PTPRJ: variants seen among roughly 807,000 people sequenced by gnomAD.
PTPRJ encodes the protein receptor-type tyrosine-protein phosphatase eta.
PTPRJ carries 129 observed loss-of-function variants against 141.3 expected under a neutral mutation model. The ratio of observed to expected loss-of-function variants is 0.91; its 90% CI spans 0.79 to 1.06. The LOEUF (loss-of-function observed/expected upper bound fraction) is 1.06. PTPRJ is among the 50% of genes least tolerant of loss of function. The pLI is 0.00. For missense variants in PTPRJ, 1,601 were observed against 1,679.7 expected, an observed-to-expected ratio of 0.95 and a Z score of 0.82; for synonymous variants, 610 against 640.5, an observed-to-expected ratio of 0.95 and a Z score of 0.72.
chr11:47,999,517 T>G (rs1486454282), intron 1 of PTPRJ, among the ~76,000 whole-genome samples: 1 of 152,202 alleles, frequency 6.6e-6, no homozygotes, highest in Non-Finnish European at 1.5e-5. Context: ...GAAGCCCCTT[T>G]AAGTGGGCTC....
chr11:48,127,251 C>T (rs970253216), intron 6 of PTPRJ, among the ~76,000 whole-genome samples: 1 of 152,216 alleles, frequency 6.6e-6, no homozygotes, highest in African/African-American at 2.4e-5. Flanking sequence ...TGGTGAATAA[C>T]TGGCACTCGG....
At chr11:48,106,763 C>CTTTTTTTTTTTTTTTTTTTTTTT (rs35643138) in intron 1 of PTPRJ, among the ~76,000 whole-genome samples, 1 of 86,452 alleles carries the variant, frequency 1.2e-5, no homozygotes, top group Non-Finnish European at 2.3e-5. Context: ...TTCTTTCTTT[C>CTTTTTTTTTTTTTTTTTTTTTTT]TTTTTTTTTT....
rs752215798 is a variant in PTPRJ at position 48,144,678 on chromosome 11, G to A, written c.2579G>A (p.Gly860Asp). The A allele has an allele frequency of 5.6e-6, 9 of 1,612,952 alleles. No homozygotes were observed. In the African/African-American group the frequency reaches 1.2e-4, roughly 22 times the overall value. ...YAVILTTGEA[G>D]HPSADVLKYT... is the part of the protein sequence containing the mutation. The stretch of plus-strand genomic sequence containing the variant: ...TCCTTCTGTGTACCTTTCTTAGCTG[G>A]TCACCCTTCTGCAGATGTCCTGAAA... Residue 860 changes from glycine to aspartate, a missense_variant, in exon 13 of 25, where the codon GGT (glycine) becomes GAT (aspartate). Gly to Asp is a moderately conservative substitution (Grantham distance 94). Coordinates refer to ENST00000418331, the MANE Select transcript of PTPRJ (RefSeq NM_002843.4).
chr11:48,091,763 C>T (rs889887783), intron 1 of PTPRJ, among the ~76,000 whole-genome samples: 1 of 152,202 alleles, frequency 6.6e-6, no homozygotes, highest in Non-Finnish European at 1.5e-5. Flanking sequence ...GGAAATACCT[C>T]CCAAGAGGCC....
At position 48,014,005 on chromosome 11, in the gene PTPRJ, C is replaced by G. The variant is rs563404324; in HGVS notation, c.96+32997C>G. Among the ~76,000 whole-genome samples, 9 of 152,188 alleles carry G rather than the reference C, an allele frequency of 5.9e-5. No individual in the cohort carries two copies. The South Asian group carries it at 1.9e-3, about 32-fold the overall frequency. The stretch of plus-strand genomic sequence containing the variant: ...AGAGTGTCCATCTGTTTGGGTGAAG[C>G]CAGCTGTTTAGGTCTGAAGGATCTG... On this transcript the variant is annotated intron_variant, in intron 1 of 24. Coordinates refer to ENST00000418331, the MANE Select transcript of PTPRJ (RefSeq NM_002843.4).
At position 48,168,577 on chromosome 11, in the gene PTPRJ, T is replaced by TATATATATATAC. The variant is rs1555061333; in HGVS notation, c.*1220_*1221insTATATACATATA. 1.7e-5 allele frequency: 2 copies of TATATATATATAC among 120,296 alleles called. No homozygotes were observed. The highest frequency in any genetic ancestry group is 6.3e-5 in the African/African-American group (2 of 31,820). The allele number at this position is 120,296 out of a possible 1,614,324, so 7.5% of individuals were successfully genotyped here. ...ATATATATATATATATATATATATATATATACACTAAGCTCTCAAAAACAG... is the reference window on the plus strand; with the variant it reads ...ATATATATATATATATATATATATATATATATATATACATATACACTAAGCTCTCAAAAACAG... On this transcript the variant is annotated 3_prime_UTR_variant, in exon 25 of 25. Transcript: ENST00000418331.
intron 8 of PTPRJ, chr11:48,131,701 C>T (rs1357089842): frequency 2.7e-5 from 14 of 519,234 alleles, no homozygotes; most frequent in Admixed American, 1.1e-4. Flanking sequence ...CAGCAGAGAA[C>T]GTGTGGCTTG....
chr11:48,088,212 GATTGACAACAATAAC>G (rs1485538971), intron 1 of PTPRJ, among the ~76,000 whole-genome samples: 1 of 152,200 alleles, frequency 6.6e-6, no homozygotes, highest in African/African-American at 2.4e-5. Flanking sequence ...GACCCAAGAT[GATTGACAACAATAAC>G]ATTCCTTTAC....
chr11:48,068,492 G>A (rs754294177), intron 1 of PTPRJ, among the ~76,000 whole-genome samples: 32 of 152,112 alleles, frequency 2.1e-4, no homozygotes, highest in Non-Finnish European at 3.8e-4. Context: ...GTGACTTTGC[G>A]CCTCCTTCCC....
In PTPRJ at chr11:48,065,004, CTTTTTTTTTTTTTT is replaced by C. The variant is rs61139660; in HGVS notation, c.97-45040_97-45027del. On this transcript the variant is annotated intron_variant, in intron 1 of 24. Coordinates refer to ENST00000418331, the MANE Select transcript of PTPRJ (RefSeq NM_002843.4). ...GCTGAGACCTGTTTTCCTCAACTAC[CTTTTTTTTTTTTTT>C]TTTTTTTTTTTTTGAGACAGAGCTT... 3.5e-3 allele frequency among the ~76,000 whole-genome samples: 410 copies of C among 117,192 alleles called. 3 individuals are homozygous for C. Among genetic ancestry groups the C allele is most frequent in the African/African-American group, 0.015 (385 of 26,128 alleles). 76.9% of individuals were successfully genotyped at this position (117,192 alleles called of 152,430 possible).
In PTPRJ at chr11:48,164,372, T is replaced by C. The variant is rs751521291; in HGVS notation, c.3720-8T>C. On this transcript the variant is annotated splice_polypyrimidine_tract_variant and splice_region_variant and intron_variant, in intron 23 of 24. Transcript: ENST00000418331. ...CACTGTAATAGGCTTATTTCTCTTTTCTCTCAGTGCTGGGGTCGGAAGGAC... is the reference window on the plus strand; with the variant it reads ...CACTGTAATAGGCTTATTTCTCTTTCCTCTCAGTGCTGGGGTCGGAAGGAC... The C allele has an allele frequency of 1.2e-6, 2 of 1,613,020 alleles. No individual in the cohort carries two copies. Among genetic ancestry groups the C allele is most frequent in the East Asian group, 4.5e-5 (2 of 44,866 alleles).
Position 48,112,832 on chromosome 11 carries a change from C to T in PTPRJ, c.201C>T (p.Ser67=), listed in dbSNP as rs999745092. 7 of 1,614,052 alleles carry T rather than the reference C, an allele frequency of 4.3e-6. No individual in the cohort carries two copies. The highest frequency in any genetic ancestry group is 2.7e-5 in the African/African-American group (2 of 74,920). ...CGCAGATCAGCAGTACAGCAGAATC[C>T]TTTCATAAACAGAATGGAACTGGAA... The part of the protein sequence containing the change: ...GITQISSTAE[S]FHKQNGTGTP... Residue 67 remains serine, a synonymous_variant, in exon 3 of 25, where the codon TCC becomes TCT. Coordinates refer to ENST00000418331, the MANE Select transcript of PTPRJ (RefSeq NM_002843.4).
At chr11:47,984,434 C>T (rs574484741) in intron 1 of PTPRJ, among the ~76,000 whole-genome samples, 1 of 152,242 alleles carries the variant, frequency 6.6e-6, no homozygotes, top group East Asian at 1.9e-4. Context: ...AATATAATGC[C>T]ACTGATGATA....
At chr11:48,099,711 C>A (rs140118676) in intron 1 of PTPRJ, among the ~76,000 whole-genome samples, 1 of 152,262 alleles carries the variant, frequency 6.6e-6, no homozygotes, top group East Asian at 1.9e-4. Context: ...GCATTTCTGG[C>A]TTGAGAGTAC....
chr11:48,082,578 T>A (rs1461073989), intron 1 of PTPRJ, among the ~76,000 whole-genome samples: 1 of 150,386 alleles, frequency 6.6e-6, no homozygotes, highest in Non-Finnish European at 1.5e-5. Context: ...TTTTTTTTTG[T>A]AGAGACAGGG....
intron 1 of PTPRJ, among the ~76,000 whole-genome samples, chr11:47,992,208 C>T (rs905959665): frequency 3.9e-5 from 6 of 152,028 alleles, no homozygotes; most frequent in Admixed American, 2.6e-4. Context: ...TAGTCTCGCC[C>T]TGTCACCCAG....
intron 15 of PTPRJ, among the ~76,000 whole-genome samples, chr11:48,147,545 C>T (rs548976450): frequency 2.0e-4 from 30 of 152,294 alleles, no homozygotes; most frequent in African/African-American, 4.8e-4. Flanking sequence ...TGTGAATTAT[C>T]GCATGCATGA....
intron 1 of PTPRJ, among the ~76,000 whole-genome samples, chr11:48,093,520 T>C (rs1855923997): frequency 6.6e-6 from 1 of 152,206 alleles, no homozygotes; most frequent in African/African-American, 2.4e-5. Context: ...TTGTTAAACT[T>C]TTACCATTTG....
At chr11:48,160,834 C>G (rs960336227) in intron 22 of PTPRJ, among the ~76,000 whole-genome samples, 1 of 152,034 alleles carries the variant, frequency 6.6e-6, no homozygotes, top group Non-Finnish European at 1.5e-5. Flanking sequence ...GTAGCTTTTG[C>G]AGAATGGATA....
Sources: allele counts gnomAD v4.1 joint callset (sites outside exome capture counted in the v4.1 genomes callset), GRCh38; gene constraint gnomAD v4.1.1; transcripts MANE v1.5; gene names NCBI Gene and HGNC (gene_info 2026-07-23, HGNC 2026-07-21).